The following CFDP1 variants were observed in gnomAD, a reference collection of about 807,000 sequenced individuals.
CFDP1 encodes the protein heterochromatin-stabilizing protein CFDP1.
In CFDP1, 31 loss-of-function variants were observed where a neutral mutation model predicts 40.1. That is an observed-to-expected ratio of 0.77 (90% CI 0.58 to 1.04). The LOEUF (loss-of-function observed/expected upper bound fraction) is 1.04, where lower values mean the gene tolerates loss of function less well. Among genes scored for constraint, CFDP1 ranks in the 50% least tolerant of loss-of-function variants. The pLI is 0.00. For missense variants in CFDP1, 423 were observed against 343.4 expected, an observed-to-expected ratio of 1.23 and a Z score of -1.83; for synonymous variants, 167 against 120.0, an observed-to-expected ratio of 1.39 and a Z score of -2.56.
chr16:75,422,746 T>G (rs2079294703), intron 1 of CFDP1, among the ~76,000 whole-genome samples: 1 of 152,032 alleles, frequency 6.6e-6, no homozygotes, highest in Admixed American at 6.6e-5. Flanking sequence ...TTTTAGAGGT[T>G]AAGGCAGAAG....
intron 5 of CFDP1, among the ~76,000 whole-genome samples, chr16:75,391,046 A>G (rs1195418592): frequency 6.6e-6 from 1 of 152,256 alleles, no homozygotes; most frequent in East Asian, 1.9e-4. Context: ...AAAGGCAGGC[A>G]TGGATATGAC....
chr16:75,312,944 CTGAAG>C (rs1279566905), intron 5 of CFDP1, among the ~76,000 whole-genome samples: 1 of 152,200 alleles, frequency 6.6e-6, no homozygotes, highest in African/African-American at 2.4e-5. Context: ...TATAGGGGCT[CTGAAG>C]TGACAGTGAA....
rs771585532 is a variant in CFDP1, at chr16:75,433,390, G to T, written c.-38C>A. Reference sequence around the variant, plus strand: ...CGACGCTGGTCAAACTCACAAGACCGCAGCAGCCGCCTCCAACGGCAAAGC... The same window carrying T: ...CGACGCTGGTCAAACTCACAAGACCTCAGCAGCCGCCTCCAACGGCAAAGC... On this transcript the variant is annotated 5_prime_UTR_variant, in exon 1 of 7. Transcript: ENST00000283882. 2 of 1,557,788 alleles carry T rather than the reference G, an allele frequency of 1.3e-6. No individual in the cohort carries two copies. Among genetic ancestry groups the T allele is most frequent in the East Asian group, 2.4e-5 (1 of 42,338 alleles).
At chr16:75,338,705 T>A (rs2078507315) in intron 5 of CFDP1, among the ~76,000 whole-genome samples, 1 of 152,202 alleles carries the variant, frequency 6.6e-6, no homozygotes. Context: ...CATCCCTTGA[T>A]AATTCTATAA....
At chr16:75,349,243 G>C (rs964964772) in intron 5 of CFDP1, among the ~76,000 whole-genome samples, 2 of 151,878 alleles carry the variant, frequency 1.3e-5, no homozygotes, top group African/African-American at 2.4e-5. Flanking sequence ...GGGTGCGGTG[G>C]GTCACACCTG....
intron 5 of CFDP1, among the ~76,000 whole-genome samples, chr16:75,353,543 CA>C (rs2078626756): frequency 6.6e-6 from 1 of 151,874 alleles, no homozygotes; most frequent in Non-Finnish European, 1.5e-5. Flanking sequence ...GGGCAGATCA[CA>C]AGGTCAGGAG....
At chr16:75,312,088 C>T (rs1337993119) in intron 5 of CFDP1, among the ~76,000 whole-genome samples, 1 of 152,050 alleles carries the variant, frequency 6.6e-6, no homozygotes, top group Non-Finnish European at 1.5e-5. Flanking sequence ...AGCTAAAATC[C>T]GTAAGGCTAA....
chr16:75,402,691 T>C (rs756022326), intron 4 of CFDP1, among the ~76,000 whole-genome samples: 6 of 152,104 alleles, frequency 3.9e-5, no homozygotes, highest in African/African-American at 1.4e-4. Context: ...AATAATGACA[T>C]GAAGAAATTA....
At chr16:75,360,748 T>C (rs2078675182) in intron 5 of CFDP1, among the ~76,000 whole-genome samples, 1 of 152,240 alleles carries the variant, frequency 6.6e-6, no homozygotes, top group African/African-American at 2.4e-5. Context: ...AGATGTTTGA[T>C]GTGCTTAAAA....
At chr16:75,303,814 CCA>C (rs1340280200) in intron 6 of CFDP1, among the ~76,000 whole-genome samples, 2 of 152,012 alleles carry the variant, frequency 1.3e-5, no homozygotes, top group African/African-American at 2.4e-5. Flanking sequence ...TATCGTTATC[CCA>C]GTTTTATTGG....
At position 75,360,389 on chromosome 16, in the gene CFDP1, T is replaced by G; in HGVS notation, c.650+34701A>C. Among the ~76,000 whole-genome samples, 2 of 152,230 alleles carry G rather than the reference T, an allele frequency of 1.3e-5. 1 individual carries two copies. The highest frequency in any genetic ancestry group is 3.8e-4 in the East Asian group (2 of 5,204). The stretch of plus-strand genomic sequence containing the variant: ...GGAATCAGCTCAAAGACAATGCCAT[T>G]AGCCAATCTATGACAATCTGAGCTT... On this transcript the variant is annotated intron_variant, in intron 5 of 6. Coordinates refer to ENST00000283882, the MANE Select transcript of CFDP1 (RefSeq NM_006324.3).
At chr16:75,401,754 T>C (rs1486547223) in intron 4 of CFDP1, among the ~76,000 whole-genome samples, 1 of 126,364 alleles carries the variant, frequency 7.9e-6, no homozygotes, top group Non-Finnish European at 1.8e-5. Context: ...ACTACCTTCA[T>C]GGAAATGACA....
rs376370504 is a variant in CFDP1, at chr16:75,323,609, G to A, written c.651-18427C>T. 5.0e-4 allele frequency among the ~76,000 whole-genome samples: 76 copies of A among 151,944 alleles called. No homozygotes were observed. The East Asian group carries it at 0.012, about 25-fold the overall frequency. On this transcript the variant is annotated intron_variant, in intron 5 of 6. Coordinates refer to ENST00000283882, the MANE Select transcript of CFDP1 (RefSeq NM_006324.3). Reference sequence around the variant, plus strand: ...CAGCCTGACTAACATGGTGAAACCCGATCTCTACTGAAAATACAAATTTGC... The same window carrying A: ...CAGCCTGACTAACATGGTGAAACCCAATCTCTACTGAAAATACAAATTTGC...
intron 5 of CFDP1, among the ~76,000 whole-genome samples, chr16:75,356,691 C>G (rs895529028): frequency 6.6e-6 from 1 of 152,002 alleles, no homozygotes; most frequent in Admixed American, 6.6e-5. Flanking sequence ...TAACTGAAGT[C>G]CTAGATGGCA....
chr16:75,294,728 C>T (rs1306800229), intron 6 of CFDP1, among the ~76,000 whole-genome samples: 1 of 152,196 alleles, frequency 6.6e-6, no homozygotes, highest in African/African-American at 2.4e-5. Context: ...CAGGAGAACT[C>T]TTTCCCTAAA....
intron 1 of CFDP1, among the ~76,000 whole-genome samples, chr16:75,415,535 T>C (rs1384636120): frequency 1.3e-5 from 2 of 152,192 alleles, no homozygotes; most frequent in Non-Finnish European, 2.9e-5. Context: ...ACAACTGCCC[T>C]ACCCCTAAAG....
At chr16:75,296,042 C>T (rs754802124) in intron 6 of CFDP1, among the ~76,000 whole-genome samples, 62 of 152,172 alleles carry the variant, frequency 4.1e-4, no homozygotes, top group Non-Finnish European at 6.8e-4. Context: ...GACAGCACTG[C>T]ACTTTAACTG....
At chr16:75,408,131 AG>A (rs2062969217) in intron 4 of CFDP1, among the ~76,000 whole-genome samples, 1 of 137,910 alleles carries the variant, frequency 7.3e-6, no homozygotes, top group Non-Finnish European at 1.6e-5. Context: ...AGGAAGGGAG[AG>A]AGGGAGGGAG....
chr16:75,321,586 G>A (rs2078363968), intron 5 of CFDP1, among the ~76,000 whole-genome samples: 1 of 152,148 alleles, frequency 6.6e-6, no homozygotes, highest in African/African-American at 2.4e-5. Context: ...CCAGCCTGAA[G>A]CCATGTTTTT....
Sources: gnomAD v4.1 joint callset for allele counts (sites outside exome capture counted in the v4.1 genomes callset) on GRCh38, gnomAD v4.1.1 for gene constraint, MANE v1.5 for transcripts, NCBI Gene and HGNC (gene_info 2026-07-23, HGNC 2026-07-21) for gene names.